Variants in ELMO1 observed in about 807,000 individuals in gnomAD.
ELMO1 encodes the protein engulfment and cell motility 1.
ELMO1 carries 26 observed loss-of-function variants against 98.9 expected under a neutral mutation model. That is an observed-to-expected ratio of 0.26 (90% CI 0.19 to 0.36). The LOEUF (loss-of-function observed/expected upper bound fraction) is 0.36. ELMO1 is among the 10% of genes least tolerant of loss of function. ELMO1 has a pLI of 1.00. For missense variants in ELMO1, 627 were observed against 935.2 expected (o/e 0.67, Z 4.30); for synonymous variants, 346 against 346.0 (o/e 1.00, Z 0.00).
At chr7:37,130,526 G>A (rs1354192045) in intron 14 of ELMO1, among the ~76,000 whole-genome samples, 1 of 152,118 alleles carries the variant, frequency 6.6e-6, no homozygotes, top group African/African-American at 2.4e-5. Context: ...AGGTGTCAAG[G>A]GCAAGGCCAA....
At chr7:37,168,920 T>C (rs554163011) in intron 13 of ELMO1, among the ~76,000 whole-genome samples, 2 of 152,310 alleles carry the variant, frequency 1.3e-5, no homozygotes, top group South Asian at 4.1e-4. Context: ...GTCTTTTTGT[T>C]TGTCTGTGCC....
intron 4 of ELMO1, among the ~76,000 whole-genome samples, chr7:37,293,715 T>TAAAA (rs35978411): frequency 1.5e-5 from 1 of 65,528 alleles, no homozygotes; most frequent in Non-Finnish European, 3.4e-5. Context: ...GAATGATCAA[T>TAAAA]AAAAAAAAAA....
chr7:37,243,086 C>A (rs1794836457), intron 7 of ELMO1, among the ~76,000 whole-genome samples: 1 of 152,144 alleles, frequency 6.6e-6, no homozygotes, highest in Non-Finnish European at 1.5e-5. Context: ...TGCTACTGTG[C>A]CATTACCAGA....
At chr7:37,112,567 G>T (rs941912702) in intron 14 of ELMO1, among the ~76,000 whole-genome samples, 1 of 152,168 alleles carries the variant, frequency 6.6e-6, no homozygotes, top group Non-Finnish European at 1.5e-5. Context: ...AAGTCTCCAG[G>T]TATCAGGACC....
intron 16 of ELMO1, among the ~76,000 whole-genome samples, chr7:36,981,821 C>T (rs1016194943): frequency 3.9e-5 from 6 of 152,154 alleles, no homozygotes; most frequent in African/African-American, 4.8e-5. Context: ...CCATGAGCAA[C>T]GGTGAAAGTA....
intron 13 of ELMO1, among the ~76,000 whole-genome samples, chr7:37,145,936 C>T (rs1291322874): frequency 6.6e-6 from 1 of 152,094 alleles, no homozygotes; most frequent in Non-Finnish European, 1.5e-5. Context: ...ATGATACATG[C>T]CTCCCTCTCC....
intron 1 of ELMO1, among the ~76,000 whole-genome samples, chr7:37,378,600 A>C (rs772286954): frequency 6.6e-6 from 1 of 152,308 alleles, no homozygotes. Flanking sequence ...TAAACGAAAA[A>C]AAAAACTAAT....
chr7:37,379,260 T>G (rs1370164042), intron 1 of ELMO1, among the ~76,000 whole-genome samples: 1 of 152,160 alleles, frequency 6.6e-6, no homozygotes, highest in Non-Finnish European at 1.5e-5. Flanking sequence ...CAGGATGGTC[T>G]CGATCTCCTG....
In ELMO1 at chr7:36,853,097, G is replaced by A. The variant is rs542536624; in HGVS notation, c.*2454C>T. On this transcript the variant is annotated 3_prime_UTR_variant, in exon 22 of 22. Transcript: ENST00000310758. ...CATTGCATGGGAAAAAAAGCCTTGG[G>A]CAGCCTGGAGAGAGAAGGTGAGGTG... 6.6e-6 allele frequency among the ~76,000 whole-genome samples: 1 copy of A among 152,256 alleles called. No individual in the cohort carries two copies. Among genetic ancestry groups the A allele is most frequent in the East Asian group, 1.9e-4 (1 of 5,178 alleles).
intron 16 of ELMO1, among the ~76,000 whole-genome samples, chr7:36,926,266 T>G (rs1785562849): frequency 6.6e-6 from 1 of 152,220 alleles, no homozygotes; most frequent in Non-Finnish European, 1.5e-5. Flanking sequence ...ATAGTCCCTT[T>G]GTTTTGCAGG....
At chr7:37,178,257 AG>A (rs1707800213) in intron 13 of ELMO1, among the ~76,000 whole-genome samples, 2 of 152,088 alleles carry the variant, frequency 1.3e-5, no homozygotes, top group Admixed American at 6.6e-5. Flanking sequence ...ACAACAGGCA[AG>A]GAGAGAATAA....
chr7:37,031,418 CTGTT>C (rs1487633802), intron 15 of ELMO1, among the ~76,000 whole-genome samples: 3 of 152,112 alleles, frequency 2.0e-5, no homozygotes, highest in Non-Finnish European at 4.4e-5. Flanking sequence ...AAAACATAAA[CTGTT>C]TGGAAGACTT....
chr7:37,343,127 C>A, intron 1 of ELMO1: 1 of 161,298 alleles, frequency 6.2e-6, no homozygotes, highest in South Asian at 1.7e-4. Flanking sequence ...TGCATATAAA[C>A]GTCTGGCACT....
intron 16 of ELMO1, among the ~76,000 whole-genome samples, chr7:36,939,661 T>C (rs1026502655): frequency 6.6e-6 from 1 of 152,224 alleles, no homozygotes; most frequent in African/African-American, 2.4e-5. Context: ...AGACAAGGGT[T>C]CCCATGTTCA....
intron 15 of ELMO1, among the ~76,000 whole-genome samples, chr7:37,064,265 C>T (rs1038015742): frequency 3.3e-5 from 5 of 152,154 alleles, no homozygotes; most frequent in African/African-American, 1.2e-4. Flanking sequence ...TCATTGACTC[C>T]CCTCATGCTA....
intron 1 of ELMO1, among the ~76,000 whole-genome samples, chr7:37,347,220 G>C (rs1986568): frequency 0.55 from 83,978 of 152,092 alleles, 23,314 homozygotes; most frequent in East Asian, 0.68. Flanking sequence ...AGCACTTAAG[G>C]CTTCTATATA....
chr7:37,164,113 T>C, intron 13 of ELMO1, among the ~76,000 whole-genome samples: 1 of 152,222 alleles, frequency 6.6e-6, no homozygotes, highest in Non-Finnish European at 1.5e-5. Context: ...TTTTCATCAG[T>C]CTTTTGGCTG....
chr7:36,902,822 G>C (rs1219702075), intron 16 of ELMO1, among the ~76,000 whole-genome samples: 3 of 152,146 alleles, frequency 2.0e-5, no homozygotes, highest in African/African-American at 7.2e-5. Flanking sequence ...TTCAGGAGTG[G>C]TGGGATGTTG....
At chr7:37,186,931 G>A (rs1791243074) in intron 13 of ELMO1, among the ~76,000 whole-genome samples, 1 of 152,212 alleles carries the variant, frequency 6.6e-6, no homozygotes, top group South Asian at 2.1e-4. Flanking sequence ...GAGTCAGTAT[G>A]TGATACAATC....
Sources: gnomAD v4.1 joint callset for allele counts (sites outside exome capture counted in the v4.1 genomes callset) on GRCh38, gnomAD v4.1.1 for gene constraint, MANE v1.5 for transcripts, NCBI Gene and HGNC (gene_info 2026-07-23, HGNC 2026-07-21) for gene names.